Variants in GRB10 observed in about 807,000 individuals in gnomAD.
The protein encoded by GRB10 is growth factor receptor-bound protein 10.
Under a neutral mutation model 80.9 loss-of-function variants are expected in GRB10, and 20 were observed. The ratio of observed to expected loss-of-function variants is 0.25; its 90% CI spans 0.17 to 0.36. The LOEUF is 0.36. Among genes scored for constraint, GRB10 ranks in the 10% least tolerant of loss-of-function variants. The pLI, the probability that GRB10 is intolerant of heterozygous loss-of-function variation, is 1.00. For missense variants in GRB10, 548 were observed against 747.7 expected, an observed-to-expected ratio of 0.73 and a Z score of 3.12; for synonymous variants, 291 against 291.5, an observed-to-expected ratio of 1.00 and a Z score of 0.02.
chr7:50,666,467 C>T (rs577743749), intron 7 of GRB10, among the ~76,000 whole-genome samples: 4 of 152,252 alleles, frequency 2.6e-5, no homozygotes, highest in East Asian at 3.9e-4. Context: ...CCCATTGGCC[C>T]GTAGCCTTTA....
At chr7:50,698,861 G>C (rs1354968198) in intron 5 of GRB10, among the ~76,000 whole-genome samples, 1 of 152,196 alleles carries the variant, frequency 6.6e-6, no homozygotes, top group Non-Finnish European at 1.5e-5. Context: ...GGCTGCAACT[G>C]TATTAAATTT....
chr7:50,666,664 G>C (rs1002610969), intron 7 of GRB10, among the ~76,000 whole-genome samples: 6 of 152,164 alleles, frequency 3.9e-5, no homozygotes, highest in African/African-American at 1.2e-4. Flanking sequence ...CATGGTAGTT[G>C]CTTGCTCTCA....
chr7:50,752,000 G>A (rs2074186524), intron 3 of GRB10, among the ~76,000 whole-genome samples: 1 of 152,112 alleles, frequency 6.6e-6, no homozygotes, highest in Non-Finnish European at 1.5e-5. Flanking sequence ...ATATACTGTT[G>A]AGGTATCTCG....
At chr7:50,747,204 C>G (rs1366694023) in intron 3 of GRB10, among the ~76,000 whole-genome samples, 1 of 152,134 alleles carries the variant, frequency 6.6e-6, no homozygotes, top group African/African-American at 2.4e-5. Context: ...AATGAGGAAG[C>G]CAGGCTAAGG....
chr7:50,736,913 G>A (rs551491148), intron 3 of GRB10, among the ~76,000 whole-genome samples: 11 of 152,228 alleles, frequency 7.2e-5, no homozygotes, highest in Non-Finnish European at 1.0e-4. Context: ...AGACCTAAAC[G>A]TAAGAGCTAA....
intron 3 of GRB10, among the ~76,000 whole-genome samples, chr7:50,743,099 T>A (rs1436812158): frequency 6.6e-6 from 1 of 152,228 alleles, no homozygotes; most frequent in Non-Finnish European, 1.5e-5. Context: ...GAACACCAAT[T>A]TCCGCTTTTC....
chr7:50,766,438 C>T (rs1198853702), intron 2 of GRB10, among the ~76,000 whole-genome samples: 1 of 151,990 alleles, frequency 6.6e-6, no homozygotes, highest in African/African-American at 2.4e-5. Context: ...CTTTCTTTTC[C>T]TTTTCTTCTT....
chr7:50,649,133 T>C (rs1344749723), intron 7 of GRB10, among the ~76,000 whole-genome samples: 1 of 152,126 alleles, frequency 6.6e-6, no homozygotes, highest in Non-Finnish European at 1.5e-5. Context: ...CTGGGCTCCA[T>C]TCTCGGAGGT....
chr7:50,659,859 A>G (rs1320499867), intron 7 of GRB10, among the ~76,000 whole-genome samples: 1 of 152,222 alleles, frequency 6.6e-6, no homozygotes, highest in African/African-American at 2.4e-5. Context: ...GCGTCCCCTC[A>G]TAAGTAATTG....
chr7:50,606,283 G>T, intron 14 of GRB10, 54 bp downstream of exon 14: 2 of 1,367,330 alleles, frequency 1.5e-6, no homozygotes, highest in Non-Finnish European at 2.1e-6. Flanking sequence ...CTTAACACAT[G>T]TGATGCAGAA....
intron 4 of GRB10, among the ~76,000 whole-genome samples, chr7:50,711,586 G>C (rs1010186034): frequency 6.6e-6 from 1 of 152,182 alleles, no homozygotes; most frequent in Non-Finnish European, 1.5e-5. Context: ...AGTGAAGAGT[G>C]ACTACCTGTG....
chr7:50,690,236 C>G (rs1228878283), intron 5 of GRB10, among the ~76,000 whole-genome samples: 1 of 151,480 alleles, frequency 6.6e-6, no homozygotes, highest in Non-Finnish European at 1.5e-5. Context: ...GTGGAGGTTG[C>G]GATGAGTCAA....
chr7:50,735,168 ACAATC>A (rs1322353639), intron 3 of GRB10, among the ~76,000 whole-genome samples: 1 of 152,254 alleles, frequency 6.6e-6, no homozygotes. Flanking sequence ...TAAATTAAGA[ACAATC>A]CAATAGATAA....
intron 10 of GRB10, 80 bp from the exon 11 acceptor site, chr7:50,616,427 AT>A: frequency 7.5e-7 from 1 of 1,328,934 alleles, no homozygotes; most frequent in Non-Finnish European, 1.1e-6. Flanking sequence ...CATAGCTGAC[AT>A]TTTCTGAATT....
At chr7:50,748,713 C>T (rs1014261483) in intron 3 of GRB10, among the ~76,000 whole-genome samples, 59 of 152,164 alleles carry the variant, frequency 3.9e-4, no homozygotes, top group Non-Finnish European at 7.6e-4. Context: ...TGGCGGGGAC[C>T]GAGGCCTTTG....
intron 4 of GRB10, among the ~76,000 whole-genome samples, chr7:50,728,672 C>T (rs2069086841): frequency 1.3e-5 from 2 of 152,090 alleles, no homozygotes; most frequent in Admixed American, 6.6e-5. Flanking sequence ...TCCAATAAAA[C>T]TTTAATTTTA....
chr7:50,656,458 T>C (rs938015342), intron 7 of GRB10, among the ~76,000 whole-genome samples: 19 of 152,222 alleles, frequency 1.2e-4, no homozygotes, highest in African/African-American at 4.6e-4. Flanking sequence ...CAGTAGCCTA[T>C]GCAAACGCCA....
At chr7:50,713,749 C>A (rs2066348499) in intron 4 of GRB10, among the ~76,000 whole-genome samples, 1 of 138,796 alleles carries the variant, frequency 7.2e-6, no homozygotes, top group African/African-American at 2.7e-5. Flanking sequence ...ACCTCCACCT[C>A]CTCCACCATC....
chr7:50,625,041 C>T (rs1473131904), intron 8 of GRB10, among the ~76,000 whole-genome samples: 1 of 152,094 alleles, frequency 6.6e-6, no homozygotes, highest in Non-Finnish European at 1.5e-5. Flanking sequence ...TGCTTATGGA[C>T]ATTTCTTTTC....
Sources: allele counts gnomAD v4.1 joint callset (sites outside exome capture counted in the v4.1 genomes callset), GRCh38; gene constraint gnomAD v4.1.1; transcripts MANE v1.5; gene names NCBI Gene and HGNC (gene_info 2026-07-23, HGNC 2026-07-21).